Variants in DZANK1 observed in about 807,000 individuals in gnomAD.
DZANK1 encodes the protein double zinc ribbon and ankyrin repeat domains 1, also known as double zinc ribbon and ankyrin repeat-containing protein 1.
DZANK1 carries 91 observed loss-of-function variants against 94.5 expected under a neutral mutation model. The ratio of observed to expected loss-of-function variants is 0.96; its 90% CI spans 0.81 to 1.15. DZANK1 has a LOEUF of 1.15. Among genes scored for constraint, DZANK1 ranks in the 50% most tolerant of loss-of-function variants. DZANK1 has a pLI of 0.00. For missense variants in DZANK1, 903 were observed against 916.4 expected (o/e 0.99, Z 0.19); for synonymous variants, 312 against 325.3 (o/e 0.96, Z 0.44).
At chr20:18,390,242 A>C in intron 18 of DZANK1, 137 bp downstream of exon 18, 76 of 682,620 alleles carry the variant, frequency 1.1e-4, no homozygotes, top group Non-Finnish European at 9.7e-5. Context: ...TTGACTAGCC[A>C]TTCACTATAT....
chr20:18,391,774 T>C, intron 17 of DZANK1, among the ~76,000 whole-genome samples: 1 of 152,242 alleles, frequency 6.6e-6, no homozygotes, highest in Non-Finnish European at 1.5e-5. Flanking sequence ...ATGAGGACAC[T>C]GGTCAAGGCC....
intron 11 of DZANK1, 134 bp downstream of exon 11, chr20:18,415,193 G>C: frequency 2.2e-6 from 2 of 895,078 alleles, no homozygotes; most frequent in Non-Finnish European, 3.0e-6. Context: ...TCTATCTCCA[G>C]ATTCTTAGGT....
chr20:18,433,080 AT>A (rs1170972075), intron 9 of DZANK1: 1 of 152,264 alleles, frequency 6.6e-6, no homozygotes, highest in Non-Finnish European at 1.5e-5. Context: ...GAAGTAAAAA[AT>A]TGTCTTTGTT....
chr20:18,443,168 C>T (rs967646004), intron 8 of DZANK1, among the ~76,000 whole-genome samples, 179 bp downstream of exon 8: 3 of 152,196 alleles, frequency 2.0e-5, no homozygotes, highest in Admixed American at 6.5e-5. Context: ...ACACAAAAGA[C>T]ACAGCATTGC....
rs1261071681 is a variant in DZANK1 at position 18,465,335 on chromosome 20, G to T, written c.24C>A (p.Val8=). Residue 8 remains valine, a synonymous_variant, in exon 2 of 21, where the codon GTC becomes GTA. Transcript: ENST00000262547. ...GCACTCGTAATGGTATGATCTGAGG[G>T]ACACACACTGAACCAGCAGTCATTT... 3 of 1,603,744 alleles carry T rather than the reference G, an allele frequency of 1.9e-6. No individual in the cohort carries two copies. In the African/African-American group the frequency reaches 4.0e-5, roughly 22 times the overall value.
rs578240973 is a variant in DZANK1, at chr20:18,452,953, C to A, written c.476-271G>T. On this transcript the variant is annotated intron_variant, in intron 5 of 20. Transcript: ENST00000262547. ...GCCCAGACTGAGAAGATCATCTTCC[C>A]CGCTGCATTCTACAATATTCCACTT... 9.2e-5 allele frequency among the ~76,000 whole-genome samples: 14 copies of A among 152,276 alleles called. No individual in the cohort carries two copies. The South Asian group carries it at 1.5e-3, about 16-fold the overall frequency.
chr20:18,392,888 T>C (rs542256945), intron 17 of DZANK1, among the ~76,000 whole-genome samples: 8 of 152,290 alleles, frequency 5.3e-5, no homozygotes, highest in South Asian at 4.1e-4. Context: ...AAGCTTAAAT[T>C]AATCCATATG....
At chr20:18,450,140 A>AT (rs910190342) in intron 6 of DZANK1, among the ~76,000 whole-genome samples, 1 of 152,086 alleles carries the variant, frequency 6.6e-6, no homozygotes, top group Non-Finnish European at 1.5e-5. Flanking sequence ...TTCAGTATCT[A>AT]TTTTTCTCAA....
At chr20:18,409,155 A>C (rs1473326882) in intron 13 of DZANK1, among the ~76,000 whole-genome samples, 1 of 152,088 alleles carries the variant, frequency 6.6e-6, no homozygotes, top group Admixed American at 6.6e-5. Flanking sequence ...GTACCCACAA[A>C]AATTTTTTAA....
chr20:18,426,161 C>T lies in DZANK1; in HGVS notation c.954+906G>A, dbSNP rs186184659. ...AGTGCTCCGCCTCCTATCAGATCAG[C>T]GGCAGCATTCGATTCTCATAGGAGT... On this transcript the variant is annotated intron_variant, in intron 10 of 20. Transcript: ENST00000262547. Among the ~76,000 whole-genome samples the T allele has an allele frequency of 9.2e-5, 14 of 152,288 alleles. No homozygotes were observed. The East Asian group carries it at 2.5e-3, about 27-fold the overall frequency.
chr20:18,460,070 A>T (rs1423075090), intron 3 of DZANK1, 83 bp downstream of exon 3: 1 of 1,069,520 alleles, frequency 9.3e-7, no homozygotes, highest in Non-Finnish European at 1.3e-6. Flanking sequence ...TGCAGCACTG[A>T]TTCTGATAGG....
chr20:18,394,441 A>G, intron 15 of DZANK1, 91 bp from the exon 16 acceptor site: 3 of 1,235,172 alleles, frequency 2.4e-6, no homozygotes, highest in South Asian at 1.3e-5. Context: ...GCTCCTCCTT[A>G]TTAAGTACAG....
intron 9 of DZANK1, among the ~76,000 whole-genome samples, chr20:18,427,605 G>GT (rs1491059753): frequency 1.1e-5 from 1 of 89,474 alleles, no homozygotes; most frequent in African/African-American, 4.9e-5. Context: ...GTGTAAGGTT[G>GT]GGTGTGTGTG....
intron 1 of DZANK1, among the ~76,000 whole-genome samples, chr20:18,466,276 C>T (rs1215606710): frequency 1.3e-5 from 2 of 152,200 alleles, no homozygotes; most frequent in Non-Finnish European, 2.9e-5. Flanking sequence ...ATTTAGTTTT[C>T]CCTGTACTTA....
exon 11 of DZANK1, chr20:18,415,353 A>G: frequency 6.3e-7 from 1 of 1,591,070 alleles, no homozygotes; most frequent in Non-Finnish European, 8.6e-7. Flanking sequence ...CCGCAGAAGG[A>G]CGCCTCCCAG....
intron 10 of DZANK1, chr20:18,420,620 G>A (rs1015095215): frequency 2.3e-5 from 5 of 215,900 alleles, no homozygotes; most frequent in Admixed American, 1.3e-4. Flanking sequence ...TGCTTCCAGC[G>A]GAGGATGCCC....
exon 5 of DZANK1, chr20:18,453,786 T>G (rs757119785): frequency 6.2e-7 from 1 of 1,612,824 alleles, no homozygotes; most frequent in Non-Finnish European, 8.5e-7. Flanking sequence ...AGTTCTTATA[T>G]TTTTTCTTTA....
chr20:18,442,935 C>T (rs2058756821), intron 8 of DZANK1, among the ~76,000 whole-genome samples: 1 of 152,086 alleles, frequency 6.6e-6, no homozygotes, highest in African/African-American at 2.4e-5. Flanking sequence ...ACAGATCAAT[C>T]TATAGATTCT....
intron 8 of DZANK1, 24 bp downstream of exon 8, chr20:18,443,323 G>A (rs1036180991): frequency 8.4e-6 from 12 of 1,436,538 alleles, no homozygotes; most frequent in East Asian, 2.5e-5. Context: ...AATGAAAGAT[G>A]TTTTTAAGAA....
Sources: gnomAD v4.1 joint callset for allele counts (sites outside exome capture counted in the v4.1 genomes callset) on GRCh38, gnomAD v4.1.1 for gene constraint, MANE v1.5 for transcripts, NCBI Gene and HGNC (gene_info 2026-07-23, HGNC 2026-07-21) for gene names.